Variants in CDK13 observed in about 807,000 individuals in gnomAD.
CDK13 encodes cyclin-dependent kinase 13.
In CDK13, 40 loss-of-function variants were observed where a neutral mutation model predicts 137.6. The ratio of observed to expected loss-of-function variants is 0.29; its 90% CI spans 0.23 to 0.38. The LOEUF is 0.38. Ranked by LOEUF, CDK13 falls within the 10% of genes least tolerant of loss-of-function variation. The pLI, the probability that CDK13 is intolerant of heterozygous loss-of-function variation, is 1.00. For synonymous variants in CDK13, 869 were observed against 760.1 expected, an observed-to-expected ratio of 1.14 and a Z score of -2.36; for missense variants, 1,704 against 1,951.8, an observed-to-expected ratio of 0.87 and a Z score of 2.39.
rs569799543 is a variant in CDK13 at position 40,038,149 on chromosome 7, A to T, written c.2354-7687A>T. Among the ~76,000 whole-genome samples the T allele has an allele frequency of 9.2e-5, 14 of 152,082 alleles. No homozygotes were observed. The East Asian group carries it at 2.5e-3, about 27-fold the overall frequency. On this transcript the variant is annotated intron_variant, in intron 5 of 13. Coordinates refer to ENST00000181839, the MANE Select transcript of CDK13 (RefSeq NM_003718.5). ...CCTTACCCATGGGTAACTATTTTAA[A>T]TGTTTGTTTCATCCTCCAATGTTTC... is the stretch of plus-strand genomic sequence containing the variant.
Position 39,982,986 on chromosome 7 carries a change from T to A in CDK13, c.1212-4613T>A, listed in dbSNP as rs969579173. Among the ~76,000 whole-genome samples the A allele has an allele frequency of 2.2e-4, 33 of 152,260 alleles. 3 individuals carry two copies. Among genetic ancestry groups the A allele is most frequent in the Admixed American group, 1.4e-3 (21 of 15,276 alleles). ...TAGGTTGCCTGTTCACTCTGATGGT[T>A]GTTTCTTTTGCTGTGCAGAAGCTCT... is the stretch of plus-strand genomic sequence containing the variant. On this transcript the variant is annotated intron_variant, in intron 1 of 13. Coordinates refer to ENST00000181839, the MANE Select transcript of CDK13 (RefSeq NM_003718.5).
At chr7:39,955,815 T>C (rs550112459) in intron 1 of CDK13, among the ~76,000 whole-genome samples, 1 of 152,320 alleles carries the variant, frequency 6.6e-6, no homozygotes, top group South Asian at 2.1e-4. Flanking sequence ...TTTTCCAGAA[T>C]TATTTTGATC....
chr7:40,072,801 T>C (rs1786452038), intron 9 of CDK13: 1 of 152,228 alleles, frequency 6.6e-6, no homozygotes, highest in African/African-American at 2.4e-5. Context: ...GCTTGGATGG[T>C]ATTCTTCCTT....
rs1786992413 is a variant in CDK13 at position 40,094,213 on chromosome 7, G to A, written c.3772G>A (p.Asp1258Asn). 6.2e-7 allele frequency: 1 copy of A among 1,613,686 alleles called. No homozygotes were observed. The highest frequency in any genetic ancestry group is 1.3e-5 in the African/African-American group (1 of 74,840). Residue 1258 changes from aspartate to asparagine, a missense_variant, in exon 14 of 14, where the codon GAC becomes AAC. Physicochemically the swap from Asp to Asn is conservative, Grantham distance 23. Coordinates refer to ENST00000181839, the MANE Select transcript of CDK13 (RefSeq NM_003718.5). ...EPDRPRILPP[D>N]QRPPEPPEPP... Reference sequence around the variant, plus strand: ...AGACCGGCCTCGAATTCTGCCTCCTGACCAACGACCTCCCGAGCCTCCTGA... The same window carrying A: ...AGACCGGCCTCGAATTCTGCCTCCTAACCAACGACCTCCCGAGCCTCCTGA...
intron 11 of CDK13, among the ~76,000 whole-genome samples, chr7:40,080,406 C>G (rs969071370): frequency 6.6e-6 from 1 of 152,140 alleles, no homozygotes; most frequent in Admixed American, 6.5e-5. Context: ...GACATGGGCT[C>G]TGGAGTTCAA....
chr7:40,039,434 A>ATTTTTT (rs976319927), intron 5 of CDK13, among the ~76,000 whole-genome samples: 10,222 of 84,398 alleles, frequency 0.12, 1,744 homozygotes, highest in African/African-American at 0.31. Context: ...TGCCCGGCTA[A>ATTTTTT]TTTTTTTTTT....
chr7:40,012,631 A>G (rs1255129071), intron 5 of CDK13, among the ~76,000 whole-genome samples: 1 of 151,420 alleles, frequency 6.6e-6, no homozygotes, highest in African/African-American at 2.4e-5. Context: ...AAAAAATCTG[A>G]AGGCCGGGTG....
At chr7:39,977,493 A>T (rs1784135345) in intron 1 of CDK13, among the ~76,000 whole-genome samples, 1 of 152,198 alleles carries the variant, frequency 6.6e-6, no homozygotes, top group Non-Finnish European at 1.5e-5. Flanking sequence ...GGATCGTAGG[A>T]CAAGTACCAG....
chr7:40,082,434 C>G (rs1035499442), intron 11 of CDK13, among the ~76,000 whole-genome samples: 2 of 139,286 alleles, frequency 1.4e-5, no homozygotes, highest in Non-Finnish European at 1.5e-5. Context: ...TGTAGTGAGC[C>G]AAGATGGCGC....
At chr7:40,056,698 G>A (rs1395052055) in intron 7 of CDK13, among the ~76,000 whole-genome samples, 1 of 152,246 alleles carries the variant, frequency 6.6e-6, no homozygotes, top group South Asian at 2.1e-4. Context: ...TAAATAGGAT[G>A]ACTATAGCTA....
chr7:40,091,217 A>G (rs1215399974), intron 12 of CDK13, among the ~76,000 whole-genome samples: 2 of 152,120 alleles, frequency 1.3e-5, no homozygotes, highest in African/African-American at 4.8e-5. Flanking sequence ...TGGTGGTGGC[A>G]GGCGCCTGTA....
At chr7:40,064,783 T>G (rs773763257) in intron 9 of CDK13, among the ~76,000 whole-genome samples, 1 of 75,686 alleles carries the variant, frequency 1.3e-5, no homozygotes, top group Non-Finnish European at 2.7e-5. Context: ...TTTATGTTAC[T>G]TTTTTTTTTT....
intron 5 of CDK13, among the ~76,000 whole-genome samples, chr7:40,004,381 A>G (rs1201300154): frequency 6.6e-6 from 1 of 152,154 alleles, no homozygotes; most frequent in Non-Finnish European, 1.5e-5. Flanking sequence ...TTGTAATTCT[A>G]TGCATCATGA....
At chr7:40,082,486 C>CA (rs70996879) in intron 11 of CDK13, among the ~76,000 whole-genome samples, 1,523 of 74,534 alleles carry the variant, frequency 0.02, 73 homozygotes, top group African/African-American at 0.044. Flanking sequence ...ACTCCATTTC[C>CA]AAAAAAAAAA....
chr7:39,965,421 CT>C (rs1263952567), intron 1 of CDK13, among the ~76,000 whole-genome samples: 1 of 152,116 alleles, frequency 6.6e-6, no homozygotes, highest in Non-Finnish European at 1.5e-5. Context: ...TCTGTTTTAT[CT>C]GAGACTAGGA....
chr7:40,057,303 T>C (rs1171306590), intron 7 of CDK13, among the ~76,000 whole-genome samples: 1 of 152,114 alleles, frequency 6.6e-6, no homozygotes, highest in Non-Finnish European at 1.5e-5. Flanking sequence ...TGTGCACAAT[T>C]AAGATTATTT....
In CDK13 at chr7:40,096,643, G is replaced by C. The variant is rs115986192; in HGVS notation, c.*1663G>C. ...GAATGTATATTGCTCCAGTTCTAAA[G>C]CCAGTTAACCCTGTGCCCTCTAACT... is the stretch of plus-strand genomic sequence containing the variant. On this transcript the variant is annotated 3_prime_UTR_variant, in exon 14 of 14. Coordinates refer to ENST00000181839, the MANE Select transcript of CDK13 (RefSeq NM_003718.5). The C allele has an allele frequency of 1.6e-3, 250 of 152,124 alleles. 1 individual carries two copies. Among genetic ancestry groups the C allele is most frequent in the African/African-American group, 5.7e-3 (235 of 41,524 alleles). 9.4% of individuals were successfully genotyped at this position (152,124 alleles called of 1,614,324 possible). A position where few individuals can be genotyped will look rare whatever the true frequency, so the allele number is the denominator to read the frequency against.
intron 9 of CDK13, among the ~76,000 whole-genome samples, chr7:40,064,110 C>A (rs1011570179): frequency 6.6e-6 from 1 of 151,792 alleles, no homozygotes; most frequent in African/African-American, 2.4e-5. Flanking sequence ...CATGGAGAAA[C>A]CCTGTCTCTA....
At chr7:40,058,024 G>A (rs552531726) in intron 7 of CDK13, among the ~76,000 whole-genome samples, 1 of 152,142 alleles carries the variant, frequency 6.6e-6, no homozygotes. Context: ...CGACTATAGT[G>A]TCAAAGTAGG....
Sources: gnomAD v4.1 joint callset for allele counts (sites outside exome capture counted in the v4.1 genomes callset) on GRCh38, gnomAD v4.1.1 for gene constraint, MANE v1.5 for transcripts, NCBI Gene and HGNC (gene_info 2026-07-23, HGNC 2026-07-21) for gene names.